Variants in PRDM10 observed in about 807,000 individuals in gnomAD.
PRDM10 encodes the protein PR domain zinc finger protein 10.
PRDM10 carries 65 observed loss-of-function variants against 133.1 expected under a neutral mutation model. The observed-to-expected ratio is 0.49, with a 90% CI of 0.40 to 0.60. The LOEUF (loss-of-function observed/expected upper bound fraction) is 0.60, where lower values mean the gene tolerates loss of function less well. Among genes scored for constraint, PRDM10 ranks in the 20% least tolerant of loss-of-function variants. The probability of loss-of-function intolerance (pLI) is 0.00; values close to 1 mark genes in which losing one functional copy is unlikely to be tolerated. For synonymous variants in PRDM10, 582 were observed against 580.4 expected, an observed-to-expected ratio of 1.00 and a Z score of -0.04; for missense variants, 1,137 against 1,507.1, an observed-to-expected ratio of 0.75 and a Z score of 4.07.
At chr11:129,912,970 G>A (rs537930146) in intron 17 of PRDM10, among the ~76,000 whole-genome samples, 1 of 151,582 alleles carries the variant, frequency 6.6e-6, no homozygotes, top group Admixed American at 6.6e-5. Context: ...TAAGGCAGAA[G>A]AATCACTTGA....
At chr11:129,946,655 T>A (rs2135882146) in intron 5 of PRDM10, among the ~76,000 whole-genome samples, 1 of 152,296 alleles carries the variant, frequency 6.6e-6, no homozygotes, top group East Asian at 1.9e-4. Context: ...CTGGGAAAGC[T>A]ACCCACCTCA....
intron 13 of PRDM10, among the ~76,000 whole-genome samples, chr11:129,922,597 A>G (rs966787210): frequency 2.6e-5 from 4 of 152,168 alleles, no homozygotes; most frequent in Non-Finnish European, 5.9e-5. Flanking sequence ...TGTGACCTAC[A>G]ATCATTTTCA....
At chr11:130,000,929 AAACCCCGTTTC>A (rs1308183910) in intron 1 of PRDM10, among the ~76,000 whole-genome samples, 1 of 152,184 alleles carries the variant, frequency 6.6e-6, no homozygotes, top group Non-Finnish European at 1.5e-5. Context: ...CAAAATGATG[AAACCCCGTTTC>A]TACAAAAAGT....
intron 16 of PRDM10, 84 bp downstream of exon 16, chr11:129,915,576 C>A: frequency 7.1e-7 from 1 of 1,405,542 alleles, no homozygotes; most frequent in Non-Finnish European, 9.6e-7. Flanking sequence ...GCCATCCAGG[C>A]CATGTGGATG....
intron 2 of PRDM10, 64 bp from the exon 3 acceptor site, chr11:129,957,974 C>T: frequency 6.6e-7 from 1 of 1,512,492 alleles, no homozygotes; most frequent in Non-Finnish European, 8.9e-7. Context: ...AACAAGCACA[C>T]CTGGGTTTCT....
chr11:129,907,723 A>T (rs115510009), intron 19 of PRDM10, among the ~76,000 whole-genome samples: 2,919 of 151,918 alleles, frequency 0.019, 44 homozygotes, highest in African/African-American at 0.051. Flanking sequence ...ACTATTTTTT[A>T]AAAAATTTCT....
rs1398887682 is a variant in PRDM10 at position 129,925,197 on chromosome 11, C to T, written c.1563G>A (p.Lys521=). ...NAALQHLFIR[K]SFRPFKCLQC... ...GCAAGCATTTAAAAGGCCGGAAGGA[C>T]TTCCGAATAAACAGATGCTGAAGAG... Residue 521 remains lysine (K), a synonymous_variant, in exon 12 of 21, where the codon AAG becomes AAA. Transcript: ENST00000360871. 6.2e-7 allele frequency: 1 copy of T among 1,612,724 alleles called. No individual in the cohort carries two copies. The highest frequency in any genetic ancestry group is 8.5e-7 in the Non-Finnish European group (1 of 1,179,430).
At chr11:129,914,640 G>A (rs763174361) in intron 17 of PRDM10, 64 bp downstream of exon 17, 17 of 1,590,414 alleles carry the variant, frequency 1.1e-5, no homozygotes, top group Non-Finnish European at 1.4e-5. Flanking sequence ...CCCCAGCTCT[G>A]AGAATGAGGT....
At chr11:129,937,455 A>G in intron 8 of PRDM10, 143 bp downstream of exon 8, 1 of 589,084 alleles carries the variant, frequency 1.7e-6, no homozygotes, top group Non-Finnish European at 2.9e-6. Context: ...ACTGAATTAG[A>G]TGGAGATGTG....
intron 4 of PRDM10, among the ~76,000 whole-genome samples, chr11:129,949,747 A>G (rs970936252): frequency 3.9e-5 from 6 of 152,058 alleles, no homozygotes; most frequent in Admixed American, 3.9e-4. Context: ...CCTGGCCAAC[A>G]TGGTGAAACC....
In PRDM10 at chr11:129,912,086, T is replaced by TGGGCGGAGGACGGGGCCG. The variant is rs750852504; in HGVS notation, c.2963_2980dup (p.Ala993_Gln994insProAlaProSerSerAla). ...CAAATAGTCTGTGGAGCAGGGTACC[T>TGGGCGGAGGACGGGGCCG]GGGCGGAGGACGGGGCCGAGGCGGT... is the stretch of plus-strand genomic sequence containing the variant. On this transcript the variant is annotated inframe_insertion and splice_region_variant, in exon 18 of 21. Transcript: ENST00000360871. 3.7e-5 allele frequency: 59 copies of TGGGCGGAGGACGGGGCCG among 1,605,478 alleles called. 1 individual carries two copies. Among genetic ancestry groups the TGGGCGGAGGACGGGGCCG allele is most frequent in the Admixed American group, 3.4e-5 (2 of 58,976 alleles).
intron 4 of PRDM10, among the ~76,000 whole-genome samples, chr11:129,954,464 C>A (rs190578889): frequency 1.3e-5 from 2 of 151,988 alleles, no homozygotes; most frequent in East Asian, 3.9e-4. Flanking sequence ...AGGGTTTCAC[C>A]ATGTTGGCCA....
chr11:129,954,268 T>C (rs1555110136), intron 4 of PRDM10, among the ~76,000 whole-genome samples: 1 of 133,564 alleles, frequency 7.5e-6, no homozygotes, highest in East Asian at 1.9e-4. Flanking sequence ...ATTTATTTAT[T>C]TTTTTTTTTT....
chr11:129,966,332 G>A lies in PRDM10; in HGVS notation c.-118-5250C>T, dbSNP rs182345765. 5.6e-4 allele frequency among the ~76,000 whole-genome samples: 86 copies of A among 152,222 alleles called. No homozygotes were observed. In the East Asian group the frequency reaches 0.012, roughly 20 times the overall value. On this transcript the variant is annotated intron_variant, in intron 1 of 20. Coordinates refer to ENST00000360871, the MANE Select transcript of PRDM10 (RefSeq NM_199437.2). ...TTAACTACATGTTATGTATTTCATC[G>A]AGTCTACAAAGTACGTTCCCCCCAT...
intron 1 of PRDM10, among the ~76,000 whole-genome samples, chr11:129,980,861 GTTTTTTTTTTTTTT>G (rs60735364): frequency 2.9e-5 from 3 of 102,154 alleles, no homozygotes; most frequent in African/African-American, 4.1e-5. Context: ...GACATTTCTG[GTTTTTTTTTTTTTT>G]TTTTTTTTTT....
intron 1 of PRDM10, among the ~76,000 whole-genome samples, chr11:129,995,353 A>AC (rs112570009): frequency 0.13 from 19,857 of 152,072 alleles, 2,359 homozygotes; most frequent in East Asian, 0.43. Flanking sequence ...TAATTCCCTG[A>AC]CCTCTACCTA....
chr11:129,969,132 G>T (rs1951964974), intron 1 of PRDM10, among the ~76,000 whole-genome samples: 1 of 152,162 alleles, frequency 6.6e-6, no homozygotes, highest in Non-Finnish European at 1.5e-5. Flanking sequence ...AGAGACTCTG[G>T]CCTGATACAC....
chr11:129,999,881 A>G (rs1173581212), intron 1 of PRDM10, among the ~76,000 whole-genome samples: 2 of 152,172 alleles, frequency 1.3e-5, no homozygotes, highest in African/African-American at 4.8e-5. Flanking sequence ...GTCTTTAGAC[A>G]CCTATTTACG....
chr11:129,903,379 TAA>T (rs10713202), intron 20 of PRDM10, among the ~76,000 whole-genome samples: 1 of 150,004 alleles, frequency 6.7e-6, no homozygotes, highest in African/African-American at 2.4e-5. Flanking sequence ...TAAGGTCATT[TAA>T]AAAAACGCGA....
Sources: allele counts gnomAD v4.1 joint callset (sites outside exome capture counted in the v4.1 genomes callset), GRCh38; gene constraint gnomAD v4.1.1; transcripts MANE v1.5; gene names NCBI Gene and HGNC (gene_info 2026-07-23, HGNC 2026-07-21).